The following ZNF609 variants were observed in gnomAD, a reference collection of about 807,000 sequenced individuals.
ZNF609 encodes zinc finger protein 609.
A neutral mutation model predicts 109.5 loss-of-function variants in ZNF609; 11 were observed. That is an observed-to-expected ratio of 0.10 (90% CI 0.06 to 0.17). ZNF609 has a LOEUF of 0.17. Ranked by LOEUF, ZNF609 falls within the 10% of genes least tolerant of loss-of-function variation. ZNF609 has a pLI of 1.00. For missense variants in ZNF609, 1,559 were observed against 1,772.4 expected, an observed-to-expected ratio of 0.88 and a Z score of 2.16; for synonymous variants, 646 against 662.0, an observed-to-expected ratio of 0.98 and a Z score of 0.37.
At position 64,647,936 on chromosome 15, in the gene ZNF609, CTG is replaced by C. The variant is rs1896358913; in HGVS notation, c.974-22404_974-22403del. On this transcript the variant is annotated intron_variant, in intron 3 of 9. Transcript: ENST00000326648. ...TTTCTTTTTGCTTCTTCCACCTGTT[CTG>C]TGTGTCTTTCACTTTGCCACCAGTA... Among the ~76,000 whole-genome samples the C allele has an allele frequency of 2.6e-5, 4 of 152,138 alleles. No homozygotes were observed. In the South Asian group the frequency reaches 6.2e-4, roughly 24 times the overall value.
At position 64,674,320 on chromosome 15, in the gene ZNF609, G is replaced by A. The variant is rs1281745705; in HGVS notation, c.1466G>A (p.Cys489Tyr). Residue 489 changes from cysteine (C) to tyrosine (Y), a missense_variant, in exon 5 of 10, where the codon TGC (cysteine) becomes TAC (tyrosine). Transcript: ENST00000326648. ...KVEPTVLDRN[C>Y]PSPVLIDCPH... ...GAACCCACTGTTCTGGACAGAAACTGCCCCTCCCCCGTCCTAATTGACTGT... is the reference window on the plus strand; with the variant it reads ...GAACCCACTGTTCTGGACAGAAACTACCCCTCCCCCGTCCTAATTGACTGT... The A allele has an allele frequency of 8.7e-6, 14 of 1,613,952 alleles. No individual in the cohort carries two copies. Among genetic ancestry groups the A allele is most frequent in the African/African-American group, 1.3e-5 (1 of 74,892 alleles).
In ZNF609 at chr15:64,622,838, T is replaced by G; in HGVS notation, c.759T>G (p.Pro253=). 1 of 1,614,248 alleles carries G rather than the reference T, an allele frequency of 6.2e-7. No homozygotes were observed. The highest frequency in any genetic ancestry group is 8.5e-7 in the Non-Finnish European group (1 of 1,180,010). Residue 253 remains proline, a synonymous_variant, in exon 3 of 10, where the codon CCT becomes CCG. Transcript: ENST00000326648. ...KKVKSEKMES[P]VSTPAVLPIH... ...TCTTCCCTCCACAGATGGAGTCCCCTGTTTCCACACCAGCAGTGCTGCCAA... is the reference window on the plus strand; with the variant it reads ...TCTTCCCTCCACAGATGGAGTCCCCGGTTTCCACACCAGCAGTGCTGCCAA...
rs144195817 is a variant in ZNF609 at position 64,484,958 on chromosome 15, C to T, written c.-127-14335C>T. Among the ~76,000 whole-genome samples, 1,334 of 152,014 alleles carry T rather than the reference C, an allele frequency of 8.8e-3. 23 individuals carry two copies. The highest frequency in any genetic ancestry group is 0.031 in the African/African-American group (1,272 of 41,458). ...CACTGCACTCCAGCTTGGGCGACAGCGAGACTCCGTCTCAAAAAAAAAGTG... is the reference window on the plus strand; with the variant it reads ...CACTGCACTCCAGCTTGGGCGACAGTGAGACTCCGTCTCAAAAAAAAAGTG... On this transcript the variant is annotated intron_variant, in intron 1 of 9. Transcript: ENST00000326648.
intron 2 of ZNF609, among the ~76,000 whole-genome samples, chr15:64,551,583 C>T (rs751429144): frequency 1.4e-5 from 2 of 144,818 alleles, no homozygotes; most frequent in Admixed American, 1.4e-4. Flanking sequence ...ACCTGGGAAG[C>T]GGAGGTTATG....
chr15:64,471,089 C>T (rs1353384169), intron 1 of ZNF609, among the ~76,000 whole-genome samples: 1 of 152,050 alleles, frequency 6.6e-6, no homozygotes, highest in African/African-American at 2.4e-5. Context: ...GGTCCAGGCA[C>T]GGTGGCTCAC....
intron 7 of ZNF609, 86 bp from the exon 8 acceptor site, chr15:64,680,560 C>CG: frequency 8.0e-7 from 1 of 1,253,768 alleles, no homozygotes; most frequent in East Asian, 2.3e-5. Context: ...GGGCATCTCA[C>CG]TTGTGTGTGT....
intron 2 of ZNF609, among the ~76,000 whole-genome samples, chr15:64,607,866 TCTTTCTTTCTTTCTTCTTTC>T (rs1895635454): frequency 1.7e-4 from 6 of 35,250 alleles, no homozygotes; most frequent in Non-Finnish European, 3.0e-4. Context: ...TTTCTTTCTT[TCTTTCTTTCTTTCTTCTTTC>T]TTTTCTTTCT....
At chr15:64,532,437 C>T (rs932039579) in intron 2 of ZNF609, among the ~76,000 whole-genome samples, 19 of 152,060 alleles carry the variant, frequency 1.2e-4, no homozygotes, top group East Asian at 9.6e-4. Flanking sequence ...TAGTACCTGG[C>T]CCAATAAATA....
intron 2 of ZNF609, among the ~76,000 whole-genome samples, chr15:64,564,884 G>A (rs1255042254): frequency 2.0e-5 from 3 of 147,054 alleles, no homozygotes; most frequent in Admixed American, 6.8e-5. Context: ...GTCTCGCTCT[G>A]TTGCCCAGGC....
chr15:64,473,683 G>A (rs1277559474), intron 1 of ZNF609, among the ~76,000 whole-genome samples: 2 of 151,552 alleles, frequency 1.3e-5, no homozygotes, highest in Non-Finnish European at 2.9e-5. Flanking sequence ...TCGGCTTACT[G>A]CAACCTCCAC....
At chr15:64,606,200 AC>A (rs1895596421) in intron 2 of ZNF609, among the ~76,000 whole-genome samples, 1 of 151,060 alleles carries the variant, frequency 6.6e-6, no homozygotes, top group South Asian at 2.1e-4. Context: ...TGCAGCCTCA[AC>A]CTCCTGGGCT....
Position 64,683,102 on chromosome 15 carries a change from T to C in ZNF609, c.*1416T>C, listed in dbSNP as rs1041782626. On this transcript the variant is annotated 3_prime_UTR_variant, in exon 10 of 10. Coordinates refer to ENST00000326648, the MANE Select transcript of ZNF609 (RefSeq NM_015042.2). The stretch of plus-strand genomic sequence containing the variant: ...AAGTGAGGATGATTTGGTAGCTTTA[T>C]TGGGGTCATGTCTTCCCCAAGGTGT... 1.3e-5 allele frequency: 2 copies of C among 152,668 alleles called. No homozygotes were observed. The highest frequency in any genetic ancestry group is 3.8e-4 in the East Asian group (2 of 5,200). 9.5% of individuals were successfully genotyped at this position (152,668 alleles called of 1,614,324 possible).
At chr15:64,529,393 C>T (rs1329433968) in intron 2 of ZNF609, 7 of 748,822 alleles carry the variant, frequency 9.3e-6, no homozygotes, top group East Asian at 2.7e-5. Context: ...ACGACGTACT[C>T]AGCGCCAGCA....
chr15:64,562,402 C>T (rs188370779), intron 2 of ZNF609, among the ~76,000 whole-genome samples: 5 of 152,292 alleles, frequency 3.3e-5, no homozygotes, highest in African/African-American at 1.2e-4. Flanking sequence ...CCCAAGATCA[C>T]ACAACTAGAA....
At chr15:64,601,766 G>A (rs1895501709) in intron 2 of ZNF609, among the ~76,000 whole-genome samples, 1 of 152,114 alleles carries the variant, frequency 6.6e-6, no homozygotes, top group South Asian at 2.1e-4. Context: ...GACCATACGT[G>A]GTGCTTAACA....
chr15:64,645,190 A>G (rs1339699209), intron 3 of ZNF609, among the ~76,000 whole-genome samples: 1 of 147,170 alleles, frequency 6.8e-6, no homozygotes, highest in Non-Finnish European at 1.5e-5. Context: ...TCCTGAGCTC[A>G]AGATATCCTC....
At chr15:64,620,578 T>C (rs1895860804) in intron 2 of ZNF609, among the ~76,000 whole-genome samples, 1 of 152,244 alleles carries the variant, frequency 6.6e-6, no homozygotes. Flanking sequence ...ATCATAAATG[T>C]AGATGATTCA....
In ZNF609 at chr15:64,649,134, A is replaced by G. The variant is rs76965591; in HGVS notation, c.974-21212A>G. ...AATATCTATAGTGACTGTTATCTCCAGATGAATTTTGAGAAAAAAAAAATA... is the reference window on the plus strand; with the variant it reads ...AATATCTATAGTGACTGTTATCTCCGGATGAATTTTGAGAAAAAAAAAATA... On this transcript the variant is annotated intron_variant, in intron 3 of 9. Transcript: ENST00000326648. 8.9e-3 allele frequency among the ~76,000 whole-genome samples: 1,349 copies of G among 152,226 alleles called. 24 individuals are homozygous for G. The highest frequency in any genetic ancestry group is 0.031 in the African/African-American group (1,283 of 41,522).
chr15:64,505,855 G>T (rs1403344511), intron 2 of ZNF609, among the ~76,000 whole-genome samples: 1 of 152,048 alleles, frequency 6.6e-6, no homozygotes, highest in Non-Finnish European at 1.5e-5. Context: ...TAATTTAGTG[G>T]CTAAAAGCGT....
Sources: allele counts gnomAD v4.1 joint callset (sites outside exome capture counted in the v4.1 genomes callset), GRCh38; gene constraint gnomAD v4.1.1; transcripts MANE v1.5; gene names NCBI Gene and HGNC (gene_info 2026-07-23, HGNC 2026-07-21).